FHIT: variants seen among roughly 807,000 people sequenced by gnomAD.
The protein encoded by FHIT is fragile histidine triad diadenosine triphosphatase.
FHIT carries 19 observed loss-of-function variants against 17.9 expected under a neutral mutation model. That is an observed-to-expected ratio of 1.06 (90% CI 0.74 to 1.56). The LOEUF (loss-of-function observed/expected upper bound fraction) is 1.56. Among genes scored for constraint, FHIT ranks in the 40% most tolerant of loss-of-function variants. The pLI is 0.00. For missense variants in FHIT, 248 were observed against 189.2 expected (o/e 1.31, Z -1.82); for synonymous variants, 81 against 69.7 (o/e 1.16, Z -0.81).
At chr3:61,138,294 C>A (rs1230777433) in intron 2 of FHIT, among the ~76,000 whole-genome samples, 2 of 152,174 alleles carry the variant, frequency 1.3e-5, no homozygotes. Flanking sequence ...AGCCTGGGAG[C>A]CAAGTTAAAA....
intron 4 of FHIT, among the ~76,000 whole-genome samples, chr3:60,627,852 A>G (rs1298506759): frequency 6.6e-6 from 1 of 152,116 alleles, no homozygotes; most frequent in Non-Finnish European, 1.5e-5. Context: ...GATTTTAATA[A>G]TTTGAGTCTT....
chr3:60,524,854 T>C (rs1002178922), intron 5 of FHIT, among the ~76,000 whole-genome samples: 4 of 152,346 alleles, frequency 2.6e-5, no homozygotes, highest in East Asian at 1.9e-4. Flanking sequence ...CAAGGTGAGA[T>C]ACTTAACTCA....
At chr3:60,649,458 A>C (rs1245269860) in intron 4 of FHIT, among the ~76,000 whole-genome samples, 2 of 152,340 alleles carry the variant, frequency 1.3e-5, no homozygotes, top group East Asian at 3.9e-4. Context: ...TAAGAACCAA[A>C]GTTGCACACA....
At chr3:59,923,593 G>A (rs1320163666) in intron 7 of FHIT, among the ~76,000 whole-genome samples, 1 of 152,112 alleles carries the variant, frequency 6.6e-6, no homozygotes, top group African/African-American at 2.4e-5. Context: ...TACCTCGGCT[G>A]AAGTTAAACC....
intron 2 of FHIT, among the ~76,000 whole-genome samples, chr3:61,134,657 T>C (rs1171730141): frequency 6.6e-6 from 1 of 152,098 alleles, no homozygotes; most frequent in Non-Finnish European, 1.5e-5. Flanking sequence ...AGACAAGGAC[T>C]TAGGTGCAGG....
At chr3:59,966,370 A>G (rs553040132) in intron 7 of FHIT, among the ~76,000 whole-genome samples, 3 of 152,316 alleles carry the variant, frequency 2.0e-5, no homozygotes, top group South Asian at 4.1e-4. Context: ...ATACTGTATA[A>G]GAATAAATAT....
intron 3 of FHIT, among the ~76,000 whole-genome samples, chr3:60,905,739 G>A (rs1706374847): frequency 6.6e-6 from 1 of 152,120 alleles, no homozygotes; most frequent in South Asian, 2.1e-4. Flanking sequence ...TACATAGCAT[G>A]CTAACTTCTG....
At chr3:60,027,878 T>C (rs1364233600) in intron 5 of FHIT, among the ~76,000 whole-genome samples, 4 of 152,220 alleles carry the variant, frequency 2.6e-5, no homozygotes, top group Non-Finnish European at 4.4e-5. Context: ...CTGTTCAATA[T>C]AGTAGCCACT....
intron 5 of FHIT, among the ~76,000 whole-genome samples, chr3:60,523,800 G>A (rs993905582): frequency 6.6e-6 from 1 of 152,196 alleles, no homozygotes; most frequent in African/African-American, 2.4e-5. Flanking sequence ...GAGGGGTTGA[G>A]TATTTTTCAT....
intron 7 of FHIT, among the ~76,000 whole-genome samples, chr3:59,976,533 T>C (rs1575801689): frequency 6.6e-6 from 1 of 151,702 alleles, no homozygotes; most frequent in Non-Finnish European, 1.5e-5. Context: ...GGAGGGGTCA[T>C]AAGGAAAGAG....
At chr3:60,932,721 A>G (rs1708020567) in intron 3 of FHIT, among the ~76,000 whole-genome samples, 1 of 152,072 alleles carries the variant, frequency 6.6e-6, no homozygotes, top group Non-Finnish European at 1.5e-5. Flanking sequence ...GTTCCCTTAA[A>G]TCTACCCACA....
chr3:60,736,963 G>C (rs72876948), intron 4 of FHIT, among the ~76,000 whole-genome samples: 1 of 152,152 alleles, frequency 6.6e-6, no homozygotes, highest in African/African-American at 2.4e-5. Flanking sequence ...TGTTTTTAAG[G>C]CCTCAGCAAG....
intron 7 of FHIT, among the ~76,000 whole-genome samples, chr3:59,938,316 A>G (rs1706343421): frequency 6.6e-6 from 1 of 152,202 alleles, no homozygotes; most frequent in African/African-American, 2.4e-5. Flanking sequence ...AAAATATCAC[A>G]TGATCTTACT....
intron 5 of FHIT, among the ~76,000 whole-genome samples, chr3:60,260,609 T>G (rs1706242525): frequency 6.6e-6 from 1 of 152,052 alleles, no homozygotes; most frequent in Non-Finnish European, 1.5e-5. Flanking sequence ...TGCTATTTTT[T>G]TCTTGTATCT....
chr3:60,173,329 A>ACAAT (rs1701502581), intron 5 of FHIT, among the ~76,000 whole-genome samples: 1 of 152,154 alleles, frequency 6.6e-6, no homozygotes, highest in African/African-American at 2.4e-5. Flanking sequence ...GTGAATCTCA[A>ACAAT]GTATCTCTAA....
intron 3 of FHIT, among the ~76,000 whole-genome samples, chr3:60,881,764 G>C (rs916509844): frequency 4.6e-5 from 7 of 151,970 alleles, no homozygotes; most frequent in Non-Finnish European, 1.0e-4. Context: ...CAAAAACAGT[G>C]CTAAGAGAAA....
chr3:59,808,165 GA>G (rs1700277550), intron 8 of FHIT, among the ~76,000 whole-genome samples: 1 of 152,136 alleles, frequency 6.6e-6, no homozygotes. Flanking sequence ...ATATTTCATA[GA>G]AATGGAATCA....
intron 3 of FHIT, among the ~76,000 whole-genome samples, chr3:60,947,696 A>G (rs1308866007): frequency 2.0e-5 from 3 of 152,222 alleles, no homozygotes; most frequent in Non-Finnish European, 4.4e-5. Context: ...TCATGTCTTC[A>G]GAAGTTTGGC....
chr3:60,619,787 G>A (rs531573554), intron 4 of FHIT, among the ~76,000 whole-genome samples: 6 of 152,034 alleles, frequency 3.9e-5, no homozygotes, highest in African/African-American at 1.4e-4. Context: ...TAATACCAAA[G>A]GTGCAATCCA....
Sources: allele counts gnomAD v4.1 joint callset (sites outside exome capture counted in the v4.1 genomes callset), GRCh38; gene constraint gnomAD v4.1.1; transcripts MANE v1.5; gene names NCBI Gene and HGNC (gene_info 2026-07-23, HGNC 2026-07-21).